PDE1A: variants seen among roughly 807,000 people sequenced by gnomAD.
The protein encoded by PDE1A is phosphodiesterase 1A.
In PDE1A, 35 loss-of-function variants were observed where a neutral mutation model predicts 61.7. The ratio of observed to expected loss-of-function variants is 0.57; its 90% CI spans 0.43 to 0.75. The LOEUF is 0.75. Ranked by LOEUF, PDE1A falls within the 30% of genes least tolerant of loss-of-function variation. The probability of loss-of-function intolerance (pLI) is 0.00; values close to 1 mark genes in which losing one functional copy is unlikely to be tolerated. For synonymous variants in PDE1A, 232 were observed against 213.2 expected, an observed-to-expected ratio of 1.09 and a Z score of -0.77; for missense variants, 597 against 630.6, an observed-to-expected ratio of 0.95 and a Z score of 0.57.
At chr2:182,390,477 T>G (rs1453920559) in intron 1 of PDE1A, among the ~76,000 whole-genome samples, 1 of 152,186 alleles carries the variant, frequency 6.6e-6, no homozygotes, top group Non-Finnish European at 1.5e-5. Context: ...ATAATGAAGT[T>G]GGTTGCTCCT....
chr2:182,171,767 C>T (rs534268489), intron 13 of PDE1A, among the ~76,000 whole-genome samples: 114 of 151,104 alleles, frequency 7.5e-4, no homozygotes, highest in African/African-American at 2.4e-3. Context: ...TAGATGAGAG[C>T]GGCACCAGAA....
intron 1 of PDE1A, among the ~76,000 whole-genome samples, chr2:182,284,689 A>G (rs538500674): frequency 6.6e-6 from 1 of 152,248 alleles, no homozygotes; most frequent in African/African-American, 2.4e-5. Context: ...ATTTTTTAAT[A>G]ATAAGGACAT....
intron 13 of PDE1A, among the ~76,000 whole-genome samples, chr2:182,168,835 C>T (rs1691853031): frequency 6.6e-6 from 1 of 151,936 alleles, no homozygotes; most frequent in Non-Finnish European, 1.5e-5. Flanking sequence ...TTGAAATATG[C>T]TAACAACAAC....
the PDE1A span, among the ~76,000 whole-genome samples, chr2:182,571,668 TAAA>T: frequency 6.6e-6 from 1 of 151,706 alleles, no homozygotes; most frequent in African/African-American, 2.4e-5. Flanking sequence ...AGTTTATATT[TAAA>T]AATAATAATA....
intron 2 of PDE1A, among the ~76,000 whole-genome samples, chr2:182,441,722 T>C (rs1684808661): frequency 6.6e-6 from 1 of 151,916 alleles, no homozygotes; most frequent in Non-Finnish European, 1.5e-5. Flanking sequence ...CTGGAATACA[T>C]CACACTAGAA....
At chr2:182,253,108 T>C (rs1460300886) in intron 2 of PDE1A, among the ~76,000 whole-genome samples, 1 of 152,176 alleles carries the variant, frequency 6.6e-6, no homozygotes, top group Non-Finnish European at 1.5e-5. Flanking sequence ...TTATGAATTA[T>C]TAGTGGTTAA....
At chr2:182,466,515 C>T (rs1034848619) in intron 2 of PDE1A, among the ~76,000 whole-genome samples, 1 of 151,952 alleles carries the variant, frequency 6.6e-6, no homozygotes, top group African/African-American at 2.4e-5. Context: ...GGTATAGTAA[C>T]ATAAGTCCAC....
At chr2:182,716,745 C>T in the PDE1A span, among the ~76,000 whole-genome samples, 2 of 152,220 alleles carry the variant, frequency 1.3e-5, no homozygotes, top group Admixed American at 1.3e-4. Flanking sequence ...CTTAACAGCC[C>T]TGTTCCCCCG....
At chr2:182,405,112 G>C (rs1337959548) in intron 1 of PDE1A, among the ~76,000 whole-genome samples, 4 of 152,070 alleles carry the variant, frequency 2.6e-5, no homozygotes, top group African/African-American at 9.7e-5. Flanking sequence ...CTAAGCAATA[G>C]GATTTTTCAG....
At chr2:182,552,319 C>T in the PDE1A span, among the ~76,000 whole-genome samples, 3 of 152,066 alleles carry the variant, frequency 2.0e-5, no homozygotes, top group African/African-American at 7.2e-5. Context: ...ATTTTCAGCT[C>T]TTCCTTCACA....
intron 2 of PDE1A, among the ~76,000 whole-genome samples, chr2:182,437,116 CTTTAAAG>C (rs1684480037): frequency 6.6e-6 from 1 of 151,824 alleles, no homozygotes; most frequent in African/African-American, 2.4e-5. Flanking sequence ...TATTTGGATG[CTTTAAAG>C]TTTAAATTTT....
At chr2:182,175,682 A>C (rs1692689711) in intron 13 of PDE1A, among the ~76,000 whole-genome samples, 1 of 61,190 alleles carries the variant, frequency 1.6e-5, no homozygotes, top group Admixed American at 2.1e-4. Context: ...GAAGCTCTTT[A>C]GTTTAATTAG....
At chr2:182,505,643 G>A (rs1441540500) in intron 2 of PDE1A, among the ~76,000 whole-genome samples, 1 of 152,144 alleles carries the variant, frequency 6.6e-6, no homozygotes, top group Non-Finnish European at 1.5e-5. Context: ...TCCTCCAATA[G>A]GTCTCACCAG....
rs144833247 is a variant in PDE1A, at chr2:182,186,482, G to A, written c.1314C>T (p.Ser438=). The change falls in exon 12 of 14, where the codon TCC becomes TCT. Residue 438 remains serine, a synonymous_variant. Coordinates refer to ENST00000351439, the Ensembl canonical transcript of PDE1A. ...AAATATCATACCTGCTTGCCACATA[G>A]GAAGAAGTTTCGGCTTTTGAGGCTT... The A allele has an allele frequency of 3.7e-6, 6 of 1,612,406 alleles. No individual in the cohort carries two copies. In the African/African-American group the frequency reaches 6.7e-5, roughly 18 times the overall value.
chr2:182,237,263 C>A (rs557721228), intron 3 of PDE1A, among the ~76,000 whole-genome samples: 1 of 152,152 alleles, frequency 6.6e-6, no homozygotes, highest in South Asian at 2.1e-4. Flanking sequence ...GAGGCCGAGG[C>A]GGGTGAATCA....
the PDE1A span, among the ~76,000 whole-genome samples, chr2:182,687,870 T>A: frequency 7.9e-5 from 12 of 152,130 alleles, no homozygotes. Flanking sequence ...GCACAAGAAC[T>A]ATGCGATGAA....
chr2:182,455,568 T>A (rs373630738), intron 2 of PDE1A, among the ~76,000 whole-genome samples: 1 of 152,124 alleles, frequency 6.6e-6, no homozygotes, highest in Non-Finnish European at 1.5e-5. Context: ...CATGGAACAC[T>A]ATGCAGCCAT....
intron 6 of PDE1A, among the ~76,000 whole-genome samples, chr2:182,225,097 TTGG>T (rs1418221936): frequency 2.0e-5 from 3 of 151,948 alleles, no homozygotes; most frequent in African/African-American, 7.2e-5. Flanking sequence ...GAAAGGCTAA[TTGG>T]TGGCAGTAGA....
chr2:182,270,581 TA>T (rs1171320914), intron 1 of PDE1A, among the ~76,000 whole-genome samples: 4 of 151,168 alleles, frequency 2.6e-5, no homozygotes, highest in African/African-American at 2.4e-5. Context: ...TAAAATTTAT[TA>T]AAATAATTTA....
Sources: allele counts gnomAD v4.1 joint callset (sites outside exome capture counted in the v4.1 genomes callset), GRCh38; gene constraint gnomAD v4.1.1; transcripts MANE v1.5; gene names NCBI Gene and HGNC (gene_info 2026-07-23, HGNC 2026-07-21).